Variants in FBXL17 observed in about 807,000 individuals in gnomAD.
The protein encoded by FBXL17 is F-box and leucine rich repeat protein 17, also known as F-box/LRR-repeat protein 17.
Under a neutral mutation model 66.2 loss-of-function variants are expected in FBXL17, and 22 were observed. The ratio of observed to expected loss-of-function variants is 0.33; its 90% CI spans 0.24 to 0.47. The LOEUF (loss-of-function observed/expected upper bound fraction) is 0.47, where lower values mean the gene tolerates loss of function less well. FBXL17 is among the 20% of genes least tolerant of loss of function. The pLI, the probability that FBXL17 is intolerant of heterozygous loss-of-function variation, is 1.00. For missense variants in FBXL17, 878 were observed against 948.2 expected (o/e 0.93, Z 0.97); for synonymous variants, 474 against 400.5 (o/e 1.18, Z -2.19).
intron 5 of FBXL17, among the ~76,000 whole-genome samples, chr5:108,217,546 A>C (rs569138944): frequency 2.6e-5 from 4 of 151,964 alleles, no homozygotes; most frequent in African/African-American, 4.8e-5. Flanking sequence ...TTTCCATTTC[A>C]ACATTGTTTC....
At chr5:107,868,162 T>A (rs1162241281) in intron 8 of FBXL17, among the ~76,000 whole-genome samples, 1 of 152,152 alleles carries the variant, frequency 6.6e-6, no homozygotes, top group African/African-American at 2.4e-5. Flanking sequence ...GAATTTGAAT[T>A]CAGGACCCCA....
rs545751648 is a variant in FBXL17 at position 108,301,944 on chromosome 5, A to G, written c.1506+46455T>C. 8.0e-4 allele frequency: 581 copies of G among 725,662 alleles called. 3 individuals carry two copies. The African/African-American group carries it at 0.011, about 13-fold the overall frequency. 45.0% of individuals were successfully genotyped at this position (725,662 alleles called of 1,614,324 possible). ...TTAATGGGAGATATATGTATTGATA[A>G]GCTATAACAGGATAACTAATTTTAA... On this transcript the variant is annotated intron_variant, in intron 4 of 8. Coordinates refer to ENST00000542267, the MANE Select transcript of FBXL17 (RefSeq NM_001163315.3).
At chr5:107,929,456 T>A (rs1303004073) in intron 7 of FBXL17, among the ~76,000 whole-genome samples, 2 of 152,142 alleles carry the variant, frequency 1.3e-5, no homozygotes, top group Non-Finnish European at 2.9e-5. Context: ...AAACAGTGTT[T>A]AGCCAGGATA....
chr5:108,261,130 G>GA (rs1280903030), intron 4 of FBXL17, among the ~76,000 whole-genome samples: 3 of 151,948 alleles, frequency 2.0e-5, no homozygotes, highest in Non-Finnish European at 4.4e-5. Context: ...TGTTGATTTA[G>GA]AAAATCAAAC....
At chr5:108,140,783 T>C (rs891975927) in intron 6 of FBXL17, among the ~76,000 whole-genome samples, 2 of 152,126 alleles carry the variant, frequency 1.3e-5, no homozygotes, top group African/African-American at 4.8e-5. Context: ...TGATTGCTTA[T>C]TCATTGAATG....
intron 6 of FBXL17, among the ~76,000 whole-genome samples, chr5:108,077,266 T>C (rs1310909772): frequency 1.3e-5 from 2 of 152,212 alleles, no homozygotes; most frequent in Non-Finnish European, 2.9e-5. Flanking sequence ...TTGATGCAAA[T>C]AGGCCAAGTA....
At chr5:108,120,124 G>A (rs977618426) in intron 6 of FBXL17, among the ~76,000 whole-genome samples, 2 of 152,190 alleles carry the variant, frequency 1.3e-5, no homozygotes, top group Non-Finnish European at 2.9e-5. Context: ...ATGTGACTTA[G>A]AGGAAAACAA....
At chr5:108,172,990 G>C in intron 6 of FBXL17, among the ~76,000 whole-genome samples, 1 of 151,708 alleles carries the variant, frequency 6.6e-6, no homozygotes, top group Non-Finnish European at 1.5e-5. Context: ...TAGTAAAGAC[G>C]GGGTTTCACC....
intron 5 of FBXL17, among the ~76,000 whole-genome samples, chr5:108,203,042 T>TAGAAAAAAGG (rs1339440998): frequency 6.6e-6 from 1 of 152,102 alleles, no homozygotes; most frequent in Admixed American, 6.6e-5. Flanking sequence ...GACACTCAGG[T>TAGAAAAAAGG]AGAAAAAAGG....
intron 6 of FBXL17, among the ~76,000 whole-genome samples, chr5:108,158,532 T>TGC (rs949172156): frequency 6.6e-6 from 1 of 151,304 alleles, no homozygotes; most frequent in African/African-American, 2.4e-5. Context: ...TGTGTGTGTG[T>TGC]GCATCCACAT....
intron 7 of FBXL17, among the ~76,000 whole-genome samples, chr5:107,895,154 T>C (rs2112523232): frequency 6.6e-6 from 1 of 152,290 alleles, no homozygotes; most frequent in African/African-American, 2.4e-5. Flanking sequence ...TTTTTTAAGT[T>C]CTTGAGATCT....
chr5:108,127,312 T>C (rs1750760752), intron 6 of FBXL17, among the ~76,000 whole-genome samples: 1 of 152,236 alleles, frequency 6.6e-6, no homozygotes, highest in African/African-American at 2.4e-5. Flanking sequence ...ACTACAATGA[T>C]GATTAACATC....
At chr5:108,246,331 T>C (rs1053766030) in intron 4 of FBXL17, among the ~76,000 whole-genome samples, 2 of 152,192 alleles carry the variant, frequency 1.3e-5, no homozygotes, top group East Asian at 3.9e-4. Flanking sequence ...TGAAACCCTG[T>C]CTCAAAAGTA....
intron 6 of FBXL17, among the ~76,000 whole-genome samples, chr5:108,149,205 T>TGG (rs1751674703): frequency 6.6e-6 from 1 of 152,206 alleles, no homozygotes; most frequent in Non-Finnish European, 1.5e-5. Flanking sequence ...TCCTTGAGGG[T>TGG]GGGCTCTATA....
intron 7 of FBXL17, among the ~76,000 whole-genome samples, chr5:107,982,754 T>G (rs1392668829): frequency 6.6e-6 from 1 of 152,186 alleles, no homozygotes; most frequent in Non-Finnish European, 1.5e-5. Flanking sequence ...AAGTGCTCCC[T>G]CTAACAGGTG....
chr5:108,168,426 G>A (rs34422), intron 6 of FBXL17, among the ~76,000 whole-genome samples: 32,736 of 152,016 alleles, frequency 0.22, 3,772 homozygotes, highest in South Asian at 0.32. Flanking sequence ...ACTGATGAAC[G>A]GAATATATTT....
At chr5:108,157,375 C>T (rs951335721) in intron 6 of FBXL17, among the ~76,000 whole-genome samples, 28 of 151,908 alleles carry the variant, frequency 1.8e-4, no homozygotes, top group African/African-American at 6.5e-4. Flanking sequence ...TAAATCACTA[C>T]TAAATTACAT....
chr5:108,330,985 G>T (rs569282950), intron 4 of FBXL17, among the ~76,000 whole-genome samples: 1 of 152,010 alleles, frequency 6.6e-6, no homozygotes, highest in Non-Finnish European at 1.5e-5. Flanking sequence ...CCCAGGAGGC[G>T]GAGGCTGCAA....
chr5:107,963,689 G>A (rs1181434346), intron 7 of FBXL17, among the ~76,000 whole-genome samples: 1 of 152,070 alleles, frequency 6.6e-6, no homozygotes, highest in African/African-American at 2.4e-5. Context: ...CACAGTAGAT[G>A]TTATTATTAT....
Sources: allele counts gnomAD v4.1 joint callset (sites outside exome capture counted in the v4.1 genomes callset), GRCh38; gene constraint gnomAD v4.1.1; transcripts MANE v1.5; gene names NCBI Gene and HGNC (gene_info 2026-07-23, HGNC 2026-07-21).